SLIT2: variants seen among roughly 807,000 people sequenced by gnomAD.
SLIT2 encodes slit guidance ligand 2, also known as slit homolog 2 protein.
SLIT2 carries 41 observed loss-of-function variants against 185.7 expected under a neutral mutation model. The ratio of observed to expected loss-of-function variants is 0.22; its 90% CI spans 0.17 to 0.29. The LOEUF (loss-of-function observed/expected upper bound fraction) is 0.29, where lower values mean the gene tolerates loss of function less well. Ranked by LOEUF, SLIT2 falls within the 10% of genes least tolerant of loss-of-function variation. The probability of loss-of-function intolerance (pLI) is 1.00; values close to 1 mark genes in which losing one functional copy is unlikely to be tolerated. For synonymous variants in SLIT2, 693 were observed against 680.2 expected, an observed-to-expected ratio of 1.02 and a Z score of -0.29; for missense variants, 1,571 against 1,909.0, an observed-to-expected ratio of 0.82 and a Z score of 3.30.
chr4:20,416,962 CT>C (rs33980142), intron 4 of SLIT2, among the ~76,000 whole-genome samples: 69,958 of 141,122 alleles, frequency 0.5, 17,685 homozygotes, highest in African/African-American at 0.66. Flanking sequence ...GCTATCAAAT[CT>C]TTTTTTTTTT....
chr4:20,332,303 T>C (rs1339722515), intron 4 of SLIT2, among the ~76,000 whole-genome samples: 1 of 152,176 alleles, frequency 6.6e-6, no homozygotes, highest in Non-Finnish European at 1.5e-5. Flanking sequence ...ACCCGTGTTT[T>C]ATTCCTGTTC....
At chr4:20,534,856 A>G (rs2148866784) in intron 18 of SLIT2, among the ~76,000 whole-genome samples, 1 of 152,254 alleles carries the variant, frequency 6.6e-6, no homozygotes, top group Non-Finnish European at 1.5e-5. Context: ...CCCTGCACCT[A>G]AGAGCAGAAG....
At chr4:20,474,835 A>T (rs1715922885) in intron 5 of SLIT2, among the ~76,000 whole-genome samples, 1 of 152,038 alleles carries the variant, frequency 6.6e-6, no homozygotes, top group Non-Finnish European at 1.5e-5. Context: ...TACAGGGTTT[A>T]AAAGTATTCA....
At chr4:20,519,537 G>A in intron 12 of SLIT2, 84 bp downstream of exon 12, 4 of 774,620 alleles carry the variant, frequency 5.2e-6, no homozygotes, top group South Asian at 1.7e-5. Context: ...TGGAGGCCTT[G>A]GAAAAATTTG....
chr4:20,362,409 C>G (rs1169113885), intron 4 of SLIT2, among the ~76,000 whole-genome samples: 2 of 152,100 alleles, frequency 1.3e-5, no homozygotes, highest in East Asian at 3.9e-4. Context: ...TTCATTGGTT[C>G]TATGGACTGT....
intron 22 of SLIT2, among the ~76,000 whole-genome samples, chr4:20,546,377 G>T (rs1723254410): frequency 6.6e-6 from 1 of 152,066 alleles, no homozygotes; most frequent in African/African-American, 2.4e-5. Flanking sequence ...TAAACCTGCA[G>T]ATTTTTATTG....
intron 11 of SLIT2, among the ~76,000 whole-genome samples, chr4:20,514,891 C>T (rs761305600): frequency 2.0e-5 from 3 of 151,748 alleles, no homozygotes; most frequent in Admixed American, 6.6e-5. Context: ...ATGTCGTTTT[C>T]AGGGATTTTA....
chr4:20,326,490 G>A (rs966425038), intron 4 of SLIT2, among the ~76,000 whole-genome samples: 1 of 151,968 alleles, frequency 6.6e-6, no homozygotes, highest in Non-Finnish European at 1.5e-5. Context: ...ATGGCTACCC[G>A]TCTTGCTCAT....
At chr4:20,460,079 G>A (rs529596953) in intron 4 of SLIT2, among the ~76,000 whole-genome samples, 1 of 152,004 alleles carries the variant, frequency 6.6e-6, no homozygotes, top group South Asian at 2.1e-4. Context: ...GGCCAGTCTG[G>A]TCTCGAACTC....
At chr4:20,418,159 AC>A (rs1199278985) in intron 4 of SLIT2, among the ~76,000 whole-genome samples, 3 of 152,172 alleles carry the variant, frequency 2.0e-5, no homozygotes, top group Non-Finnish European at 4.4e-5. Context: ...AGGAGGCCAA[AC>A]AAATAAAAAT....
chr4:20,323,180 T>G (rs1357758165), intron 4 of SLIT2, among the ~76,000 whole-genome samples: 1 of 142,840 alleles, frequency 7.0e-6, no homozygotes, highest in African/African-American at 2.5e-5. Flanking sequence ...TCAGTTCCTT[T>G]TGTAAATAAT....
At chr4:20,309,138 G>A (rs568202762) in intron 4 of SLIT2, among the ~76,000 whole-genome samples, 1 of 152,118 alleles carries the variant, frequency 6.6e-6, no homozygotes, top group East Asian at 1.9e-4. Context: ...CAATGATACT[G>A]TTCCTGTTGT....
chr4:20,528,188 G>GA lies in SLIT2; in HGVS notation c.1463-761_1463-760insA. On this transcript the variant is annotated intron_variant, in intron 15 of 36. Transcript: ENST00000504154. This position sits in a 1 kb window ranked among gnomAD's most constrained non-coding sequence, Gnocchi z 4.2. ...GGGAAGAATGCATGTCATGTAAACA[G>GA]TATTACGTTTCCAGAACGTCTGTAG... 1 of 517,648 alleles carries GA rather than the reference G, an allele frequency of 1.9e-6. No individual in the cohort carries two copies. The highest frequency in any genetic ancestry group is 4.0e-6 in the Non-Finnish European group (1 of 250,266). 32.1% of individuals were successfully genotyped at this position (517,648 alleles called of 1,614,324 possible).
intron 9 of SLIT2, among the ~76,000 whole-genome samples, chr4:20,495,984 T>C (rs2148804501): frequency 6.6e-6 from 1 of 152,286 alleles, no homozygotes; most frequent in Admixed American, 6.5e-5. Flanking sequence ...ACTCTCCCCA[T>C]TTTATTCAAA....
At chr4:20,419,905 C>A (rs1428115759) in intron 4 of SLIT2, among the ~76,000 whole-genome samples, 1 of 151,990 alleles carries the variant, frequency 6.6e-6, no homozygotes, top group Non-Finnish European at 1.5e-5. Context: ...CTATGTCTAC[C>A]CTTTCTTTTG....
intron 19 of SLIT2, 31 bp downstream of exon 19, chr4:20,539,615 C>G (rs762144023): frequency 7.0e-7 from 1 of 1,435,850 alleles, no homozygotes. Flanking sequence ...TTATGTATTA[C>G]TTGAGCCATT....
intron 19 of SLIT2, 109 bp downstream of exon 19, chr4:20,539,693 G>T: frequency 2.7e-6 from 2 of 741,066 alleles, no homozygotes; most frequent in Admixed American, 3.9e-5. Flanking sequence ...AGGGTTTTAG[G>T]ACTTAAAAAA....
intron 1 of SLIT2, among the ~76,000 whole-genome samples, chr4:20,256,186 A>C (rs1198078944): frequency 6.6e-6 from 1 of 152,076 alleles, no homozygotes; most frequent in African/African-American, 2.4e-5. Flanking sequence ...GATGGCACTA[A>C]TTTTTTTCTG....
At chr4:20,441,485 T>A (rs1164455758) in intron 4 of SLIT2, among the ~76,000 whole-genome samples, 8 of 87,318 alleles carry the variant, frequency 9.2e-5, no homozygotes, top group Non-Finnish European at 2.3e-4. Context: ...CCTCATCCAA[T>A]CTCTCTCTCT....
Sources: gnomAD v4.1 joint callset for allele counts (sites outside exome capture counted in the v4.1 genomes callset) on GRCh38, gnomAD v4.1.1 for gene constraint, Gnocchi (gnomAD v3.1) non-coding constraint, MANE v1.5 for transcripts, NCBI Gene and HGNC (gene_info 2026-07-23, HGNC 2026-07-21) for gene names.